RIMBP2: variants seen among roughly 807,000 people sequenced by gnomAD.
RIMBP2 encodes RIMS-binding protein 2.
A neutral mutation model predicts 118.6 loss-of-function variants in RIMBP2; 48 were observed. That is an observed-to-expected ratio of 0.40 (90% CI 0.32 to 0.51). The LOEUF is 0.51. Among genes scored for constraint, RIMBP2 ranks in the 20% least tolerant of loss-of-function variants. RIMBP2 has a pLI of 0.41. For missense variants in RIMBP2, 1,551 were observed against 1,768.3 expected (o/e 0.88, Z 2.20); for synonymous variants, 762 against 742.9 (o/e 1.03, Z -0.42).
At chr12:130,485,219 G>A (rs566641338) in intron 4 of RIMBP2, among the ~76,000 whole-genome samples, 1 of 152,384 alleles carries the variant, frequency 6.6e-6, no homozygotes, top group East Asian at 1.9e-4. Flanking sequence ...TGTGGCTGCT[G>A]TCATTTATTA....
intron 2 of RIMBP2, among the ~76,000 whole-genome samples, chr12:130,625,551 G>A (rs112471210): frequency 0.019 from 2,921 of 152,214 alleles, 41 homozygotes; most frequent in Middle Eastern, 0.038. Context: ...AAACAGTCAT[G>A]AGGACCTATT....
At chr12:130,522,989 G>T (rs79839751) in intron 2 of RIMBP2, among the ~76,000 whole-genome samples, 5,881 of 151,622 alleles carry the variant, frequency 0.039, 199 homozygotes, top group African/African-American at 0.09. Flanking sequence ...ACTCTGCCTC[G>T]GTTTTAGTTT....
At chr12:130,483,678 TAG>T (rs2082224501) in intron 4 of RIMBP2, among the ~76,000 whole-genome samples, 1 of 130,436 alleles carries the variant, frequency 7.7e-6, no homozygotes, top group African/African-American at 3.3e-5. Context: ...CGTCCCCACC[TAG>T]ACACAGTGCC....
At chr12:130,521,870 G>A (rs1024261631) in intron 2 of RIMBP2, among the ~76,000 whole-genome samples, 12 of 152,224 alleles carry the variant, frequency 7.9e-5, no homozygotes, top group Admixed American at 5.9e-4. Flanking sequence ...CAATGGAATC[G>A]TTTCAGTCTC....
chr12:130,434,747 T>C lies in RIMBP2; in HGVS notation c.2240A>G (p.Glu747Gly). The C allele has an allele frequency of 6.2e-7, 1 of 1,613,158 alleles. No individual in the cohort carries two copies. Among genetic ancestry groups the C allele is most frequent in the South Asian group, 1.1e-5 (1 of 91,036 alleles). ...ASVDDFLKGS[E>G]LGKQPHCCHG... ...GCCCGCTCTCACCTGCTTGCCAAGT[T>C]CAGAGCCTTTCAGGAAGTCGTCCAC... The change falls in exon 14 of 23, where the codon GAA becomes GGA. Residue 747 changes from glutamate (E) to glycine (G), a missense_variant. This residue lies in a region of RIMBP2 where 1,038 missense variants were observed against 1,125.1 expected (regional missense o/e 0.92). Transcript: ENST00000690449. This position sits in a 1 kb window ranked among gnomAD's most constrained non-coding sequence, Gnocchi z 5.7.
At chr12:130,550,727 G>A (rs777776710) in intron 2 of RIMBP2, among the ~76,000 whole-genome samples, 3 of 152,236 alleles carry the variant, frequency 2.0e-5, no homozygotes, top group Non-Finnish European at 4.4e-5. Flanking sequence ...GATACATTTG[G>A]TTTTCTTATT....
intron 2 of RIMBP2, among the ~76,000 whole-genome samples, chr12:130,568,111 C>A (rs1181709173): frequency 6.6e-6 from 1 of 152,214 alleles, no homozygotes; most frequent in African/African-American, 2.4e-5. Flanking sequence ...TTAAGGTTCT[C>A]TCCATTGTCA....
chr12:130,647,522 T>C (rs2063045073), intron 1 of RIMBP2, among the ~76,000 whole-genome samples: 1 of 145,048 alleles, frequency 6.9e-6, no homozygotes, highest in Non-Finnish European at 1.6e-5. Context: ...TGGATTCACC[T>C]GCACCTAGAC....
Position 130,621,340 on chromosome 12 carries a change from C to T in RIMBP2, c.-217+6982G>A, listed in dbSNP as rs190485527. ...ATATGATAATACAATGTGGGAACAG[C>T]GCCAGGCCTGTGAACTCCAAGTGCA... On this transcript the variant is annotated intron_variant, in intron 2 of 22. Coordinates refer to ENST00000690449, the MANE Select transcript of RIMBP2 (RefSeq NM_001393629.1). This position sits in a 1 kb window ranked among gnomAD's most constrained non-coding sequence, Gnocchi z 6.6. Among the ~76,000 whole-genome samples, 192 of 152,262 alleles carry T rather than the reference C, an allele frequency of 1.3e-3. No individual in the cohort carries two copies. The highest frequency in any genetic ancestry group is 2.2e-3 in the Non-Finnish European group (149 of 68,020).
chr12:130,625,521 C>A (rs954499295), intron 2 of RIMBP2, among the ~76,000 whole-genome samples: 1 of 125,624 alleles, frequency 8.0e-6, no homozygotes, highest in African/African-American at 2.6e-5. Flanking sequence ...CTCAGACTCA[C>A]GAACTAGGCC....
At chr12:130,479,967 G>A (rs908305979) in intron 4 of RIMBP2, among the ~76,000 whole-genome samples, 1 of 151,900 alleles carries the variant, frequency 6.6e-6, no homozygotes, top group African/African-American at 2.4e-5. Context: ...CTGACAGTGA[G>A]GACCAGGCCC....
chr12:130,674,773 C>A lies in RIMBP2; in HGVS notation c.-352+41449G>T, dbSNP rs565838755. ...CCATGACCGGCCGCTCCCCATTCCCCACCCCCGCCCCTGCACCCTCCATCA... is the reference window on the plus strand; with the variant it reads ...CCATGACCGGCCGCTCCCCATTCCCAACCCCCGCCCCTGCACCCTCCATCA... On this transcript the variant is annotated intron_variant, in intron 1 of 22. Coordinates refer to ENST00000690449, the MANE Select transcript of RIMBP2 (RefSeq NM_001393629.1). Among the ~76,000 whole-genome samples, 8 of 152,180 alleles carry A rather than the reference C, an allele frequency of 5.3e-5. No homozygotes were observed. The East Asian group carries it at 1.6e-3, about 30-fold the overall frequency.
At chr12:130,675,660 T>A (rs370782569) in intron 1 of RIMBP2, among the ~76,000 whole-genome samples, 1 of 152,200 alleles carries the variant, frequency 6.6e-6, no homozygotes, top group Non-Finnish European at 1.5e-5. Context: ...ACCAATCAGA[T>A]CGGTTTCAGC....
At chr12:130,694,226 G>A (rs1248292384) in intron 1 of RIMBP2, among the ~76,000 whole-genome samples, 2 of 152,168 alleles carry the variant, frequency 1.3e-5, no homozygotes, top group Non-Finnish European at 2.9e-5. Flanking sequence ...CTTGGAGGAG[G>A]AGTCACTGCA....
chr12:130,708,908 C>T (rs75221756), intron 1 of RIMBP2, among the ~76,000 whole-genome samples: 3,209 of 152,246 alleles, frequency 0.021, 54 homozygotes, highest in East Asian at 0.084. Flanking sequence ...GGTCAGGCAG[C>T]CCGGGTTTGA....
At chr12:130,568,665 A>G (rs1350563385) in intron 2 of RIMBP2, among the ~76,000 whole-genome samples, 2 of 152,222 alleles carry the variant, frequency 1.3e-5, no homozygotes, top group Non-Finnish European at 2.9e-5. Flanking sequence ...GCTTCTTCCC[A>G]AGTGCTCAGA....
In RIMBP2 at chr12:130,616,638, T is replaced by C. The variant is rs184839707; in HGVS notation, c.-217+11684A>G. 1.3e-4 allele frequency among the ~76,000 whole-genome samples: 20 copies of C among 152,246 alleles called. No individual in the cohort carries two copies. The East Asian group carries it at 3.3e-3, about 25-fold the overall frequency. On this transcript the variant is annotated intron_variant, in intron 2 of 22. Coordinates refer to ENST00000690449, the MANE Select transcript of RIMBP2 (RefSeq NM_001393629.1). ...CCATCCTAGGAGACAATGAATGAGA[T>C]AGAGGTTACGGAATCTTCCCAATCC...
rs543535356 is a variant in RIMBP2 at position 130,594,589 on chromosome 12, T to C, written c.-217+33733A>G. ...AAATTGCAAAAAAATCTCATAGTGT[T>C]TTAAGAAAATTTATGAATTTGTGTT... On this transcript the variant is annotated intron_variant, in intron 2 of 22. Transcript: ENST00000690449. 3.9e-5 allele frequency among the ~76,000 whole-genome samples: 6 copies of C among 152,290 alleles called. No individual in the cohort carries two copies. In the South Asian group the frequency reaches 1.2e-3, roughly 32 times the overall value.
intron 4 of RIMBP2, among the ~76,000 whole-genome samples, chr12:130,502,925 T>C (rs1035663654): frequency 6.6e-6 from 1 of 152,148 alleles, no homozygotes; most frequent in African/African-American, 2.4e-5. Flanking sequence ...TTGGTAGGGA[T>C]GGAGGGGACA....
Sources: allele counts gnomAD v4.1 joint callset (sites outside exome capture counted in the v4.1 genomes callset), GRCh38; gene constraint gnomAD v4.1.1; regional missense constraint gnomAD v4.1.1; non-coding constraint Gnocchi (gnomAD v3.1); transcripts MANE v1.5; gene names NCBI Gene and HGNC (gene_info 2026-07-23, HGNC 2026-07-21).